NCKAP5: variants seen among roughly 807,000 people sequenced by gnomAD.
NCKAP5 encodes the protein nck-associated protein 5.
A neutral mutation model predicts 167.0 loss-of-function variants in NCKAP5; 92 were observed. That is an observed-to-expected ratio of 0.55 (90% CI 0.47 to 0.66). The LOEUF is 0.66. NCKAP5 is among the 30% of genes least tolerant of loss of function. The pLI is 0.00. For synonymous variants in NCKAP5, 891 were observed against 877.4 expected (o/e 1.02, Z -0.27); for missense variants, 2,378 against 2,315.0 (o/e 1.03, Z -0.56).
At position 132,746,058 on chromosome 2, in the gene NCKAP5, T is replaced by A. The variant is rs535050059; in HGVS notation, c.5129-14007A>T. 3.1e-3 allele frequency among the ~76,000 whole-genome samples: 470 copies of A among 151,998 alleles called. 1 individual carries two copies. The highest frequency in any genetic ancestry group is 0.01 in the African/African-American group (420 of 41,494). ...ATCAAAACACTATCAGGTTTTTTTT[T>A]AAAAAAAGACGTTGACACATTGATT... is the stretch of plus-strand genomic sequence containing the variant. On this transcript the variant is annotated intron_variant, in intron 16 of 19. Transcript: ENST00000409261.
At chr2:132,808,071 T>G (rs1685570205) in intron 11 of NCKAP5, among the ~76,000 whole-genome samples, 1 of 152,184 alleles carries the variant, frequency 6.6e-6, no homozygotes, top group African/African-American at 2.4e-5. Flanking sequence ...TTGACTTGTG[T>G]AGGTTAAACC....
chr2:133,632,054 A>T, the NCKAP5 span, among the ~76,000 whole-genome samples: 1 of 152,218 alleles, frequency 6.6e-6, no homozygotes, highest in African/African-American at 2.4e-5. Context: ...AAATTTTAAA[A>T]AGGCTGTCCC....
In NCKAP5 at chr2:133,257,797, A is replaced by G. The variant is rs532957479; in HGVS notation, c.144-44018T>C. On this transcript the variant is annotated intron_variant, in intron 4 of 19. Transcript: ENST00000409261. ...TTATGTGCTAAAATCTTTGCATAGA[A>G]ATGAATAAACTCAAAAGAGCTGGCA... Among the ~76,000 whole-genome samples the G allele has an allele frequency of 8.5e-5, 13 of 152,328 alleles. No individual in the cohort carries two copies. The South Asian group carries it at 2.5e-3, about 29-fold the overall frequency.
chr2:133,149,424 C>G (rs142220886), intron 5 of NCKAP5, among the ~76,000 whole-genome samples: 5 of 152,168 alleles, frequency 3.3e-5, no homozygotes, highest in South Asian at 2.1e-4. Flanking sequence ...CTTCCCTAAA[C>G]GAAGTACCAC....
chr2:133,158,281 G>A (rs2083651364), intron 5 of NCKAP5, among the ~76,000 whole-genome samples: 1 of 152,118 alleles, frequency 6.6e-6, no homozygotes, highest in Non-Finnish European at 1.5e-5. Context: ...AGGTAATGTG[G>A]GCAAATATGA....
chr2:132,951,204 C>T (rs981428800), intron 8 of NCKAP5, among the ~76,000 whole-genome samples: 17 of 152,260 alleles, frequency 1.1e-4, no homozygotes, highest in Middle Eastern at 3.4e-3. Flanking sequence ...CCCTGTCCAC[C>T]GTGACAGCTG....
At chr2:132,790,346 G>A (rs1336624713) in intron 12 of NCKAP5, 141 bp from the exon 13 acceptor site, 1 of 728,424 alleles carries the variant, frequency 1.4e-6, no homozygotes, top group Non-Finnish European at 2.2e-6. Context: ...CATGGTAACT[G>A]GAAAATCAGC....
At position 132,786,363 on chromosome 2, in the gene NCKAP5, A is replaced by G. The variant is rs1329230762; in HGVS notation, c.1093-645T>C. 9.7e-4 allele frequency among the ~76,000 whole-genome samples: 148 copies of G among 152,202 alleles called. 1 individual carries two copies. The highest frequency in any genetic ancestry group is 2.1e-4 in the Non-Finnish European group (14 of 68,038). On this transcript the variant is annotated intron_variant, in intron 13 of 19. Transcript: ENST00000409261. ...TGATATCTTTATGCTCACATTTGAT[A>G]GTTCTGTGACTTCATAACTTTATTT...
At chr2:133,536,354 T>C (rs768777578) in intron 2 of NCKAP5, among the ~76,000 whole-genome samples, 3 of 152,168 alleles carry the variant, frequency 2.0e-5, no homozygotes, top group South Asian at 2.1e-4. Context: ...CTTCTACATA[T>C]GGCTTTCTAG....
At chr2:133,130,772 A>G (rs1055561587) in intron 5 of NCKAP5, among the ~76,000 whole-genome samples, 1 of 152,242 alleles carries the variant, frequency 6.6e-6, no homozygotes, top group Non-Finnish European at 1.5e-5. Context: ...GGAACTGGTA[A>G]AAAGCACACA....
the NCKAP5 span, among the ~76,000 whole-genome samples, chr2:133,639,701 A>G: frequency 6.6e-6 from 1 of 152,156 alleles, no homozygotes; most frequent in African/African-American, 2.4e-5. Context: ...CCATCAGTGC[A>G]TCTCAAAGCC....
intron 19 of NCKAP5, among the ~76,000 whole-genome samples, chr2:132,712,202 C>G (rs1688909779): frequency 1.3e-5 from 2 of 152,190 alleles, no homozygotes; most frequent in Admixed American, 6.5e-5. Context: ...TGTCACCACT[C>G]TCTTCTCACC....
the NCKAP5 span, among the ~76,000 whole-genome samples, chr2:133,637,655 G>T: frequency 2.8e-5 from 4 of 144,214 alleles, no homozygotes; most frequent in Admixed American, 1.4e-4. Context: ...ATGAAAGAGA[G>T]AATTAATAAA....
chr2:133,457,153 T>A (rs2151217905), intron 3 of NCKAP5, among the ~76,000 whole-genome samples: 2 of 152,306 alleles, frequency 1.3e-5, no homozygotes, highest in Middle Eastern at 3.4e-3. Flanking sequence ...GATTCCCATG[T>A]GGCCGGCCTG....
At chr2:133,404,935 AT>A (rs372450718) in intron 3 of NCKAP5, among the ~76,000 whole-genome samples, 1 of 152,284 alleles carries the variant, frequency 6.6e-6, no homozygotes, top group South Asian at 2.1e-4. Flanking sequence ...GTGTGATGAG[AT>A]TAGTGTTTCA....
chr2:133,457,167 A>C (rs1691912033), intron 3 of NCKAP5, among the ~76,000 whole-genome samples: 1 of 152,184 alleles, frequency 6.6e-6, no homozygotes, highest in East Asian at 1.9e-4. Context: ...CGGCCTGGAG[A>C]CAGGGGAAAT....
chr2:133,393,882 G>C (rs967739237), intron 3 of NCKAP5, among the ~76,000 whole-genome samples: 2 of 152,196 alleles, frequency 1.3e-5, no homozygotes, highest in East Asian at 3.8e-4. Flanking sequence ...AAGGAATCAA[G>C]AAGCAAGCCA....
At chr2:133,159,807 T>C (rs530955131) in intron 5 of NCKAP5, among the ~76,000 whole-genome samples, 21 of 152,264 alleles carry the variant, frequency 1.4e-4, no homozygotes, top group Admixed American at 1.0e-3. Flanking sequence ...TTGGAATGAC[T>C]GTGAAAGAAA....
chr2:133,086,058 G>T (rs957383900), intron 6 of NCKAP5, among the ~76,000 whole-genome samples: 3 of 152,096 alleles, frequency 2.0e-5, no homozygotes, highest in Non-Finnish European at 4.4e-5. Context: ...TGCTACTTCT[G>T]TGTGACTTTG....
Sources: allele counts gnomAD v4.1 joint callset (sites outside exome capture counted in the v4.1 genomes callset), GRCh38; gene constraint gnomAD v4.1.1; transcripts MANE v1.5; gene names NCBI Gene and HGNC (gene_info 2026-07-23, HGNC 2026-07-21).